The following KIF20A variants were observed in gnomAD, a reference collection of about 807,000 sequenced individuals.
The protein encoded by KIF20A is kinesin family member 20A, also known as kinesin-like protein KIF20A.
KIF20A carries 66 observed loss-of-function variants against 113.0 expected under a neutral mutation model. The observed-to-expected ratio is 0.58, with a 90% CI of 0.48 to 0.72. The LOEUF is 0.72. Ranked by LOEUF, KIF20A falls within the 30% of genes least tolerant of loss-of-function variation. The pLI, the probability that KIF20A is intolerant of heterozygous loss-of-function variation, is 0.00. For missense variants in KIF20A, 927 were observed against 1,077.6 expected (o/e 0.86, Z 1.96); for synonymous variants, 376 against 402.3 (o/e 0.93, Z 0.78).
Position 138,182,625 on chromosome 5 carries a change from C to T in KIF20A, c.554C>T (p.Ala185Val), listed in dbSNP as rs374271585. 1.2e-5 allele frequency: 19 copies of T among 1,614,072 alleles called. No individual in the cohort carries two copies. The highest frequency in any genetic ancestry group is 2.2e-5 in the East Asian group (1 of 44,894). The change falls in exon 6 of 19, where the codon GCG (alanine) becomes GTG (valine). Residue 185 changes from alanine to valine, a missense_variant. Ala to Val is a moderately conservative substitution (Grantham distance 64, BLOSUM62 0). Transcript: ENST00000394894. ...GGAGGGATTCTCCCCCGGTCCCTGGCGCTGATCTTCAATAGCCTCCAAGGC... is the reference window on the plus strand; with the variant it reads ...GGAGGGATTCTCCCCCGGTCCCTGGTGCTGATCTTCAATAGCCTCCAAGGC... ...KDGGILPRSL[A>V]LIFNSLQGQL...
At position 138,183,784 on chromosome 5, in the gene KIF20A, C is replaced by T. The variant is rs1274749341; in HGVS notation, c.1208+28C>T. 3.1e-6 allele frequency: 5 copies of T among 1,600,134 alleles called. No individual in the cohort carries two copies. The highest frequency in any genetic ancestry group is 1.7e-5 in the Admixed American group (1 of 59,886). On this transcript the variant is annotated intron_variant, in intron 10 of 18. Coordinates refer to ENST00000394894, the MANE Select transcript of KIF20A (RefSeq NM_005733.3). The surrounding 1 kb of genome is among the most constrained non-coding windows in gnomAD (Gnocchi z 5.2). ...AAGTTTATCCATTTAGAAATTTGGG[C>T]TTCTTGGCCATAAATGATAGTTGGG... is the stretch of plus-strand genomic sequence containing the variant.
At position 138,179,155 on chromosome 5, in the gene KIF20A, G is replaced by C. The variant is rs902269430; in HGVS notation, c.-69G>C. On this transcript the variant is annotated 5_prime_UTR_variant, in exon 1 of 19. Coordinates refer to ENST00000394894, the MANE Select transcript of KIF20A (RefSeq NM_005733.3). ...TGCGAAAGTCCAGCTTCGGCGACTA[G>C]GTGTGAGTAAGCCAGTATCCCAGGA... The C allele has an allele frequency of 4.1e-4, 74 of 181,094 alleles. 1 individual carries two copies. Among genetic ancestry groups the C allele is most frequent in the African/African-American group, 1.7e-3 (72 of 41,910 alleles). 11.2% of individuals were successfully genotyped at this position (181,094 alleles called of 1,614,324 possible). A position where few individuals can be genotyped will look rare whatever the true frequency, so the allele number is the denominator to read the frequency against.
rs745984116 is a variant in KIF20A, at chr5:138,181,632, G to T, written c.279G>T (p.Val93=). ...EDQGCVRIEN[V]ETLVLQAPKD... ...AGGGTTGTGTCCGTATTGAGAATGT[G>T]GAGACCCTTGTTCTACAAGCACCCA... The change falls in exon 4 of 19, where the codon GTG becomes GTT. Residue 93 remains valine (V), a synonymous_variant. Transcript: ENST00000394894. 43 of 1,614,190 alleles carry T rather than the reference G, an allele frequency of 2.7e-5. No homozygotes were observed. Among genetic ancestry groups the T allele is most frequent in the Middle Eastern group, 3.3e-4 (2 of 6,062 alleles).
At position 138,183,780 on chromosome 5, in the gene KIF20A, TG is replaced by T. The variant is rs1382246621; in HGVS notation, c.1208+27del. 6.2e-7 allele frequency: 1 copy of T among 1,603,784 alleles called. No homozygotes were observed. Among genetic ancestry groups the T allele is most frequent in the Non-Finnish European group, 8.5e-7 (1 of 1,171,108 alleles). The stretch of plus-strand genomic sequence containing the variant: ...GAGTAAGTTTATCCATTTAGAAATT[TG>T]GGCTTCTTGGCCATAAATGATAGTT... On this transcript the variant is annotated intron_variant, in intron 10 of 18. Coordinates refer to ENST00000394894, the MANE Select transcript of KIF20A (RefSeq NM_005733.3). The surrounding 1 kb of genome is among the most constrained non-coding windows in gnomAD (Gnocchi z 5.2).
intron 12 of KIF20A, 40 bp downstream of exon 12, chr5:138,184,444 C>G: frequency 1.2e-6 from 2 of 1,612,806 alleles, no homozygotes; most frequent in Non-Finnish European, 1.7e-6. Flanking sequence ...GCACTTGGAA[C>G]TGGTAACTCT....
intron 17 of KIF20A, 87 bp from the exon 18 acceptor site, chr5:138,186,207 C>A: frequency 6.5e-7 from 1 of 1,537,370 alleles, no homozygotes; most frequent in Non-Finnish European, 8.8e-7. Context: ...TCTAATTTTA[C>A]TTCTCTTCAA....
rs758772099 is a variant in KIF20A at position 138,184,006 on chromosome 5, A to C, written c.1253A>C (p.Gln418Pro). Residue 418 changes from glutamine (Q) to proline (P), a missense_variant, in exon 11 of 19, where the codon CAG (glutamine) becomes CCG (proline). Physicochemically the swap from Gln to Pro is moderately conservative, Grantham distance 76. Coordinates refer to ENST00000394894, the MANE Select transcript of KIF20A (RefSeq NM_005733.3). ...DLAGSERCKD[Q>P]KSGERLKEAG... is the part of the protein sequence containing the mutation. ...GCTGGCTCAGAGCGCTGCAAAGATC[A>C]GAAGAGTGGTGAACGGTTGAAGGAA... The C allele has an allele frequency of 3.7e-6, 6 of 1,614,198 alleles. No homozygotes were observed. The highest frequency in any genetic ancestry group is 5.1e-6 in the Non-Finnish European group (6 of 1,180,036).
chr5:138,181,957 G>T lies in KIF20A; in HGVS notation c.375+229G>T. 3 of 595,678 alleles carry T rather than the reference G, an allele frequency of 5.0e-6. 1 individual carries two copies. In the South Asian group the frequency reaches 6.3e-5, roughly 13 times the overall value. 36.9% of individuals were successfully genotyped at this position (595,678 alleles called of 1,614,324 possible). Reference sequence around the variant, plus strand: ...TTTCCTTATTTTCCTCACAAGGATAGTGTGGCTCAATGAATGTAATATTGC... The same window carrying T: ...TTTCCTTATTTTCCTCACAAGGATATTGTGGCTCAATGAATGTAATATTGC... On this transcript the variant is annotated intron_variant, in intron 4 of 18. Transcript: ENST00000394894.
At chr5:138,180,030 G>GT (rs1754621925) in intron 2 of KIF20A, among the ~76,000 whole-genome samples, 185 bp downstream of exon 2, 1 of 152,026 alleles carries the variant, frequency 6.6e-6, no homozygotes, top group Non-Finnish European at 1.5e-5. Flanking sequence ...GGCATGACAA[G>GT]TAAAAAAAAA....
chr5:138,182,706 T>C lies in KIF20A; in HGVS notation c.635T>C (p.Leu212Pro). The C allele has an allele frequency of 6.2e-7, 1 of 1,614,062 alleles. No homozygotes were observed. Among genetic ancestry groups the C allele is most frequent in the South Asian group, 1.1e-5 (1 of 91,086 alleles). The change falls in exon 6 of 19, where the codon CTA becomes CCA. Residue 212 changes from leucine (L) to proline (P), a missense_variant. Transcript: ENST00000394894. ...TTGCTCTCCAATGAGGTAATCTGGC[T>C]AGACAGCAAGCAGATCCGACAGGAG... ...KPLLSNEVIW[L>P]DSKQIRQEEM...
chr5:138,182,344 C>T lies in KIF20A; in HGVS notation c.397C>T (p.Gln133Ter). The T allele has an allele frequency of 2.5e-6, 4 of 1,613,808 alleles. No individual in the cohort carries two copies. The highest frequency in any genetic ancestry group is 3.4e-6 in the Non-Finnish European group (4 of 1,179,878). ...CTAGATCTTTGGGCCAGAAGTGGGACAGGCATCCTTCTTCAACCTAACTGT... is the reference window on the plus strand; with the variant it reads ...CTAGATCTTTGGGCCAGAAGTGGGATAGGCATCCTTCTTCAACCTAACTGT... ...FSQIFGPEVGQASFFNLTVKE... is the reference protein window; with the variant it reads ...FSQIFGPEVG Residue 133 changes from glutamine to a stop codon, truncating the protein, a stop_gained, in exon 5 of 19, where the codon CAG (glutamine) becomes TAG (stop). Transcript: ENST00000394894. LOFTEE classifies it high-confidence loss of function.
chr5:138,187,440 A>G lies in KIF20A; in HGVS notation c.*27A>G. ...GCTGTGGGGAAAGAGAAGAGCAGTCATGGCCCTGAGGTGGGTCAGCTACTC... is the reference window on the plus strand; with the variant it reads ...GCTGTGGGGAAAGAGAAGAGCAGTCGTGGCCCTGAGGTGGGTCAGCTACTC... On this transcript the variant is annotated 3_prime_UTR_variant, in exon 19 of 19. Coordinates refer to ENST00000394894, the MANE Select transcript of KIF20A (RefSeq NM_005733.3). 7 of 1,593,422 alleles carry G rather than the reference A, an allele frequency of 4.4e-6. No homozygotes were observed. Among genetic ancestry groups the G allele is most frequent in the Non-Finnish European group, 5.1e-6 (6 of 1,167,138 alleles).
chr5:138,186,038 G>C lies in KIF20A; in HGVS notation c.2203G>C (p.Glu735Gln). 2 of 1,613,964 alleles carry C rather than the reference G, an allele frequency of 1.2e-6. No individual in the cohort carries two copies. The highest frequency in any genetic ancestry group is 1.6e-4 in the Middle Eastern group (1 of 6,062). The change falls in exon 17 of 19, where the codon GAA becomes CAA. Residue 735 changes from glutamate to glutamine, a missense_variant. Transcript: ENST00000394894. Reference sequence around the variant, plus strand: ...CACCATTGATGTGGACAAGAAGTTAGAAGAGGGCCAGAAGGTAATTACCAC... The same window carrying C: ...CACCATTGATGTGGACAAGAAGTTACAAGAGGGCCAGAAGGTAATTACCAC... ...PFTIDVDKKL[E>Q]EGQKNIRLLR...
chr5:138,185,242 T>G, intron 15 of KIF20A, 45 bp downstream of exon 15: 5 of 1,300,798 alleles, frequency 3.8e-6, no homozygotes, highest in Non-Finnish European at 5.5e-6. Flanking sequence ...CAGATTTCCA[T>G]CACTAGCTTG....
intron 16 of KIF20A, 45 bp from the exon 17 acceptor site, chr5:138,185,916 T>TA (rs759470100): frequency 2.6e-5 from 40 of 1,567,752 alleles, no homozygotes; most frequent in Non-Finnish European, 3.2e-5. Flanking sequence ...AGTCCAAGGC[T>TA]AAAAAAACCC....
At chr5:138,180,637 C>T (rs1402137950) in intron 2 of KIF20A, among the ~76,000 whole-genome samples, 1 of 152,134 alleles carries the variant, frequency 6.6e-6, no homozygotes, top group African/African-American at 2.4e-5. Context: ...GTTCCTAGGC[C>T]ATAGTAGACA....
Position 138,184,856 on chromosome 5 carries a change from G to A in KIF20A, c.1733G>A (p.Arg578Gln), listed in dbSNP as rs374968389. 9.9e-6 allele frequency: 16 copies of A among 1,614,002 alleles called. No individual in the cohort carries two copies. Among genetic ancestry groups the A allele is most frequent in the African/African-American group, 6.7e-5 (5 of 74,898 alleles). Residue 578 changes from arginine (R) to glutamine (Q), a missense_variant, in exon 14 of 19, where the codon CGA becomes CAA. Arg to Gln is a conservative substitution (Grantham distance 43, BLOSUM62 1). Transcript: ENST00000394894. ...ATGAAGACACTGCTTTTGAAGGAACGACAGGAAAAGCTACAGCTGGAGATG... is the reference window on the plus strand; with the variant it reads ...ATGAAGACACTGCTTTTGAAGGAACAACAGGAAAAGCTACAGCTGGAGATG... ...EAMKTLLLKE[R>Q]QEKLQLEMHL...
Position 138,182,964 on chromosome 5 carries a change from A to G in KIF20A, c.806A>G (p.Gln269Arg). 6.2e-7 allele frequency: 1 copy of G among 1,614,180 alleles called. No homozygotes were observed. The highest frequency in any genetic ancestry group is 8.5e-7 in the Non-Finnish European group (1 of 1,180,030). Residue 269 changes from glutamine (Q) to arginine (R), a missense_variant, in exon 7 of 19, where the codon CAG (glutamine) becomes CGG (arginine). Coordinates refer to ENST00000394894, the MANE Select transcript of KIF20A (RefSeq NM_005733.3). ...SGIAGLSSISQCTSSSQLDET... is the reference protein window; with the variant it reads ...SGIAGLSSISRCTSSSQLDET... ...ATTGCTGGGCTCTCTTCTATCAGTC[A>G]GTGTACCAGCAGTAGCCAGCTGGAT...
Position 138,181,732 on chromosome 5 carries a change from T to C in KIF20A, c.375+4T>C. 6.2e-7 allele frequency: 1 copy of C among 1,613,438 alleles called. No individual in the cohort carries two copies. Among genetic ancestry groups the C allele is most frequent in the Non-Finnish European group, 8.5e-7 (1 of 1,180,010 alleles). On this transcript the variant is annotated splice_donor_region_variant and intron_variant, in intron 4 of 18. Transcript: ENST00000394894. ...ACACAGGTTCACCTTTTCCCAGGTA[T>C]GGAGGGTACTGGTTTGTGAACAAAA... is the stretch of plus-strand genomic sequence containing the variant.
Sources: allele counts gnomAD v4.1 joint callset (sites outside exome capture counted in the v4.1 genomes callset), GRCh38; gene constraint gnomAD v4.1.1; non-coding constraint Gnocchi (gnomAD v3.1); transcripts MANE v1.5; gene names NCBI Gene and HGNC (gene_info 2026-07-23, HGNC 2026-07-21).